The following EPHA3 variants were observed in gnomAD, a reference collection of about 807,000 sequenced individuals.
EPHA3 encodes EPH receptor A3.
Under a neutral mutation model 107.1 loss-of-function variants are expected in EPHA3, and 42 were observed. The ratio of observed to expected loss-of-function variants is 0.39; its 90% CI spans 0.31 to 0.51. The LOEUF (loss-of-function observed/expected upper bound fraction) is 0.51. Ranked by LOEUF, EPHA3 falls within the 20% of genes least tolerant of loss-of-function variation. The probability of loss-of-function intolerance (pLI) is 0.78; values close to 1 mark genes in which losing one functional copy is unlikely to be tolerated. For missense variants in EPHA3, 1,183 were observed against 1,211.2 expected (o/e 0.98, Z 0.35); for synonymous variants, 461 against 424.8 (o/e 1.09, Z -1.05).
intron 1 of EPHA3, among the ~76,000 whole-genome samples, chr3:89,122,376 T>C (rs1426284478): frequency 6.6e-6 from 1 of 152,204 alleles, no homozygotes; most frequent in Non-Finnish European, 1.5e-5. Flanking sequence ...CTAGAGAACA[T>C]GTGCATTATT....
At chr3:89,415,142 A>G (rs1709221541) in intron 10 of EPHA3, among the ~76,000 whole-genome samples, 1 of 151,508 alleles carries the variant, frequency 6.6e-6, no homozygotes, top group South Asian at 2.1e-4. Context: ...AGAAAATGAA[A>G]TTATTATTCC....
chr3:89,449,207 A>C lies in EPHA3; in HGVS notation c.2347-18A>C, dbSNP rs1473276082. The C allele has an allele frequency of 6.3e-7, 1 of 1,596,350 alleles. No individual in the cohort carries two copies. The highest frequency in any genetic ancestry group is 8.6e-7 in the Non-Finnish European group (1 of 1,167,814). On this transcript the variant is annotated intron_variant, in intron 13 of 16. Transcript: ENST00000336596. ...CTATGCATTGCTGATTTATGTAGAC[A>C]TGATTTTATATTCAAAGGGAGGGAA...
intron 2 of EPHA3, among the ~76,000 whole-genome samples, chr3:89,144,691 G>T (rs969797602): frequency 6.6e-6 from 1 of 151,672 alleles, no homozygotes; most frequent in Non-Finnish European, 1.5e-5. Context: ...CTTAAATGGA[G>T]TGCTGAATAC....
intron 15 of EPHA3, among the ~76,000 whole-genome samples, chr3:89,467,826 C>G (rs1434296251): frequency 6.6e-6 from 1 of 152,182 alleles, no homozygotes; most frequent in Non-Finnish European, 1.5e-5. Flanking sequence ...TTTTTAATGA[C>G]TGCGGTCTGT....
intron 5 of EPHA3, among the ~76,000 whole-genome samples, chr3:89,395,103 G>A (rs2107503140): frequency 6.6e-6 from 1 of 152,248 alleles, no homozygotes; most frequent in African/African-American, 2.4e-5. Flanking sequence ...TTTCGATAAT[G>A]CTTAGCAAAA....
intron 3 of EPHA3, among the ~76,000 whole-genome samples, chr3:89,255,867 C>T (rs1424807410): frequency 6.6e-6 from 1 of 151,912 alleles, no homozygotes; most frequent in Non-Finnish European, 1.5e-5. Flanking sequence ...TACCACTGCA[C>T]TCCAGCCTGG....
chr3:89,416,686 A>G (rs1200961295), intron 10 of EPHA3, among the ~76,000 whole-genome samples: 1 of 151,350 alleles, frequency 6.6e-6, no homozygotes, highest in African/African-American at 2.4e-5. Context: ...TCTAGTGTTT[A>G]TCTGATGAAA....
At chr3:89,356,083 G>A (rs1707947498) in intron 5 of EPHA3, among the ~76,000 whole-genome samples, 1 of 144,736 alleles carries the variant, frequency 6.9e-6, no homozygotes, top group Non-Finnish European at 1.5e-5. Flanking sequence ...AATATACAGT[G>A]TTTGGTTTTT....
At chr3:89,470,261 A>G (rs1264187253) in intron 15 of EPHA3, among the ~76,000 whole-genome samples, 2 of 152,120 alleles carry the variant, frequency 1.3e-5, no homozygotes, top group African/African-American at 2.4e-5. Context: ...TATGTACATA[A>G]TATTATATAT....
intron 1 of EPHA3, among the ~76,000 whole-genome samples, chr3:89,119,552 G>T (rs2106956548): frequency 1.3e-5 from 2 of 152,214 alleles, no homozygotes; most frequent in South Asian, 4.1e-4. Flanking sequence ...GTTTGTTCGT[G>T]TGTGTGTGCC....
At chr3:89,233,328 C>T (rs570969919) in intron 3 of EPHA3, among the ~76,000 whole-genome samples, 1 of 152,036 alleles carries the variant, frequency 6.6e-6, no homozygotes, top group Non-Finnish European at 1.5e-5. Context: ...GCAATGCTTC[C>T]CCCAAGACCT....
chr3:89,408,433 CG>C (rs1358677254), intron 9 of EPHA3, among the ~76,000 whole-genome samples: 1 of 152,026 alleles, frequency 6.6e-6, no homozygotes, highest in Admixed American at 6.6e-5. Flanking sequence ...AAATGCAAAG[CG>C]TATCTTCAAT....
chr3:89,460,203 T>C (rs1037311810), intron 15 of EPHA3, among the ~76,000 whole-genome samples: 8 of 152,120 alleles, frequency 5.3e-5, no homozygotes, highest in African/African-American at 1.9e-4. Flanking sequence ...AGAGAAATAA[T>C]TTCTTCTTAA....
chr3:89,436,364 TA>T (rs1709670296), intron 13 of EPHA3, among the ~76,000 whole-genome samples: 1 of 152,184 alleles, frequency 6.6e-6, no homozygotes, highest in Admixed American at 6.5e-5. Context: ...TAATCTGCAT[TA>T]AAAAGTCAGT....
At chr3:89,192,692 G>C (rs1443885921) in intron 2 of EPHA3, among the ~76,000 whole-genome samples, 1 of 151,882 alleles carries the variant, frequency 6.6e-6, no homozygotes, top group Non-Finnish European at 1.5e-5. Context: ...GTATTGACTT[G>C]GATTTCATAT....
At chr3:89,371,442 TGAA>T (rs1708300200) in intron 5 of EPHA3, among the ~76,000 whole-genome samples, 1 of 151,836 alleles carries the variant, frequency 6.6e-6, no homozygotes, top group African/African-American at 2.4e-5. Context: ...TCAGGTAAAC[TGAA>T]GAAGAGATGA....
In EPHA3 at chr3:89,343,555, C is replaced by T. The variant is rs1370607649; in HGVS notation, c.1306+1465C>T. Among the ~76,000 whole-genome samples, 7 of 152,136 alleles carry T rather than the reference C, an allele frequency of 4.6e-5. No homozygotes were observed. In the East Asian group the frequency reaches 1.4e-3, roughly 29 times the overall value. ...GCTAGCACCCGTCTTTCTTGAGGGGCCCCTGTCTTCCCCATGCCAATGGAT... is the reference window on the plus strand; with the variant it reads ...GCTAGCACCCGTCTTTCTTGAGGGGTCCCTGTCTTCCCCATGCCAATGGAT... On this transcript the variant is annotated intron_variant, in intron 5 of 16. Transcript: ENST00000336596.
At chr3:89,410,072 T>A (rs1709129432) in intron 9 of EPHA3, among the ~76,000 whole-genome samples, 1 of 152,016 alleles carries the variant, frequency 6.6e-6, no homozygotes, top group Admixed American at 6.6e-5. Context: ...CTGAATCACC[T>A]GATTCCTGGA....
chr3:89,135,638 C>T (rs1255085917), intron 2 of EPHA3, among the ~76,000 whole-genome samples: 7 of 150,968 alleles, frequency 4.6e-5, no homozygotes, highest in African/African-American at 1.7e-4. Context: ...TATATAAACG[C>T]ATATATCTTG....
Sources: gnomAD v4.1 joint callset for allele counts (sites outside exome capture counted in the v4.1 genomes callset) on GRCh38, gnomAD v4.1.1 for gene constraint, MANE v1.5 for transcripts, NCBI Gene and HGNC (gene_info 2026-07-23, HGNC 2026-07-21) for gene names.